ATP8A2: variants seen among roughly 807,000 people sequenced by gnomAD.
The protein encoded by ATP8A2 is phospholipid-transporting ATPase IB.
Under a neutral mutation model 165.6 loss-of-function variants are expected in ATP8A2, and 100 were observed. That is an observed-to-expected ratio of 0.60 (90% CI 0.51 to 0.71). The LOEUF is 0.71. Among genes scored for constraint, ATP8A2 ranks in the 30% least tolerant of loss-of-function variants. The pLI, the probability that ATP8A2 is intolerant of heterozygous loss-of-function variation, is 0.00. For missense variants in ATP8A2, 1,227 were observed against 1,479.5 expected, an observed-to-expected ratio of 0.83 and a Z score of 2.80; for synonymous variants, 543 against 548.8, an observed-to-expected ratio of 0.99 and a Z score of 0.15.
Position 25,826,755 on chromosome 13 carries a change from G to A in ATP8A2, c.2680-1363G>A, listed in dbSNP as rs564251159. Reference sequence around the variant, plus strand: ...TCAGACTCTCATATCTCATATAAATGTAGCTGAATATTCAGCAGCAACTTT... The same window carrying A: ...TCAGACTCTCATATCTCATATAAATATAGCTGAATATTCAGCAGCAACTTT... On this transcript the variant is annotated intron_variant, in intron 27 of 36. Transcript: ENST00000381655. 8.5e-5 allele frequency among the ~76,000 whole-genome samples: 13 copies of A among 152,208 alleles called. No individual in the cohort carries two copies. In the East Asian group the frequency reaches 1.7e-3, roughly 20 times the overall value.
At chr13:25,789,513 A>G (rs561647547) in intron 27 of ATP8A2, among the ~76,000 whole-genome samples, 1 of 152,042 alleles carries the variant, frequency 6.6e-6, no homozygotes, top group Admixed American at 6.5e-5. Context: ...AGAATTAAGT[A>G]CTTAGGTAAC....
intron 27 of ATP8A2, among the ~76,000 whole-genome samples, chr13:25,801,340 C>T (rs2138456717): frequency 6.6e-6 from 1 of 152,254 alleles, no homozygotes; most frequent in African/African-American, 2.4e-5. Flanking sequence ...AGGAAAATTC[C>T]CCATGTTTCT....
At chr13:25,683,922 A>G (rs910479104) in intron 24 of ATP8A2, among the ~76,000 whole-genome samples, 1 of 152,182 alleles carries the variant, frequency 6.6e-6, no homozygotes, top group African/African-American at 2.4e-5. Flanking sequence ...TGGTACACAA[A>G]CACAAAGTAC....
At position 26,022,502 on chromosome 13, in the gene ATP8A2, T is replaced by G. The variant is rs906312862; in HGVS notation, c.*2517T>G. ...CTTGAGAAGTAGACTAAACAATATT[T>G]GCAGTGATGACAGACGCACACAGAA... is the stretch of plus-strand genomic sequence containing the variant. On this transcript the variant is annotated 3_prime_UTR_variant, in exon 37 of 37. Transcript: ENST00000381655. The G allele has an allele frequency of 6.6e-6, 1 of 152,234 alleles. No homozygotes were observed. Among genetic ancestry groups the G allele is most frequent in the African/African-American group, 2.4e-5 (1 of 41,456 alleles). 9.4% of individuals were successfully genotyped at this position (152,234 alleles called of 1,614,324 possible).
At chr13:25,561,389 T>C in intron 15 of ATP8A2, among the ~76,000 whole-genome samples, 1 of 152,160 alleles carries the variant, frequency 6.6e-6, no homozygotes, top group East Asian at 1.9e-4. Context: ...TTTTACTTCC[T>C]GGTATTTTTT....
At chr13:25,701,723 A>AACACACACACACACACACACACACAC (rs71077495) in intron 25 of ATP8A2, among the ~76,000 whole-genome samples, 1 of 140,482 alleles carries the variant, frequency 7.1e-6, no homozygotes, top group African/African-American at 2.7e-5. Context: ...TTGATACTAA[A>AACACACACACACACACACACACACAC]ACACACACAC....
chr13:25,464,605 C>T (rs1041803690), intron 1 of ATP8A2, among the ~76,000 whole-genome samples: 2 of 151,954 alleles, frequency 1.3e-5, no homozygotes, highest in Non-Finnish European at 2.9e-5. Flanking sequence ...GAAGAGAGAC[C>T]CTTGGTGGCC....
chr13:25,984,101 G>T (rs1253800289), intron 35 of ATP8A2, among the ~76,000 whole-genome samples: 11 of 152,064 alleles, frequency 7.2e-5, no homozygotes, highest in Non-Finnish European at 1.6e-4. Context: ...GCCAGGTGTG[G>T]TGGTGCGTGC....
At chr13:25,410,841 T>C (rs896393634) in intron 1 of ATP8A2, among the ~76,000 whole-genome samples, 5 of 152,252 alleles carry the variant, frequency 3.3e-5, no homozygotes, top group Admixed American at 2.0e-4. Context: ...TGAGAGTTTC[T>C]CTGAACTGAT....
At chr13:25,478,626 T>C (rs2036063743) in intron 2 of ATP8A2, among the ~76,000 whole-genome samples, 1 of 152,206 alleles carries the variant, frequency 6.6e-6, no homozygotes, top group Non-Finnish European at 1.5e-5. Context: ...TAGATGTCAT[T>C]AAAAATGATT....
At chr13:25,522,278 G>A (rs771024951) in intron 2 of ATP8A2, among the ~76,000 whole-genome samples, 2 of 152,100 alleles carry the variant, frequency 1.3e-5, no homozygotes, top group African/African-American at 2.4e-5. Flanking sequence ...ATTGTTTGCT[G>A]TTGGCATATA....
At chr13:25,811,347 C>G (rs557684567) in intron 27 of ATP8A2, among the ~76,000 whole-genome samples, 99 of 152,064 alleles carry the variant, frequency 6.5e-4, no homozygotes, top group Admixed American at 2.0e-3. Context: ...TATATAATGT[C>G]TTGGGAAAAT....
chr13:25,798,859 G>A (rs1453543371), intron 27 of ATP8A2, among the ~76,000 whole-genome samples: 1 of 152,040 alleles, frequency 6.6e-6, no homozygotes, highest in Non-Finnish European at 1.5e-5. Context: ...GGCTGGGCCT[G>A]AGAATTAAAT....
Position 25,696,207 on chromosome 13 carries a change from T to G in ATP8A2, c.2212-2966T>G, listed in dbSNP as rs2042830759. On this transcript the variant is annotated intron_variant, in intron 24 of 36. Transcript: ENST00000381655. ...GTAGGTCTTAACAGTGGGCTTAATG[T>G]TCGGTAAACCATTCTATAAACAGAT... Among the ~76,000 whole-genome samples the G allele has an allele frequency of 2.6e-5, 4 of 152,340 alleles. No individual in the cohort carries two copies. In the South Asian group the frequency reaches 8.3e-4, roughly 32 times the overall value.
chr13:25,572,079 A>G (rs942304364), intron 18 of ATP8A2, among the ~76,000 whole-genome samples: 3 of 152,068 alleles, frequency 2.0e-5, no homozygotes, highest in Non-Finnish European at 4.4e-5. Context: ...CTCACAGTCC[A>G]CTGGGCTTCA....
chr13:25,652,329 A>T (rs563410156), intron 24 of ATP8A2, among the ~76,000 whole-genome samples: 2 of 152,106 alleles, frequency 1.3e-5, no homozygotes, highest in African/African-American at 2.4e-5. Flanking sequence ...CTGGTTTGGG[A>T]TTCCTCCTTT....
intron 27 of ATP8A2, among the ~76,000 whole-genome samples, chr13:25,791,674 G>A (rs778536521): frequency 8.6e-5 from 13 of 151,810 alleles, no homozygotes; most frequent in Non-Finnish European, 1.6e-4. Flanking sequence ...GATTTTACTG[G>A]TTTCTTTCAA....
chr13:25,917,764 A>G (rs989819694), intron 33 of ATP8A2, among the ~76,000 whole-genome samples: 5 of 152,248 alleles, frequency 3.3e-5, no homozygotes, highest in African/African-American at 1.2e-4. Flanking sequence ...TTAAAATAGC[A>G]TGGCTTTCAC....
At chr13:25,535,685 C>G (rs560903866) in intron 6 of ATP8A2, among the ~76,000 whole-genome samples, 6 of 151,916 alleles carry the variant, frequency 3.9e-5, no homozygotes, top group African/African-American at 1.2e-4. Flanking sequence ...CGTGGTGGTG[C>G]GTGTCTGTAA....
Sources: allele counts gnomAD v4.1 joint callset (sites outside exome capture counted in the v4.1 genomes callset), GRCh38; gene constraint gnomAD v4.1.1; transcripts MANE v1.5; gene names NCBI Gene and HGNC (gene_info 2026-07-23, HGNC 2026-07-21).